The following TMEFF2 variants were observed in gnomAD, a reference collection of about 807,000 sequenced individuals.
The protein encoded by TMEFF2 is transmembrane protein with EGF like and two follistatin like domains 2.
Under a neutral mutation model 53.8 loss-of-function variants are expected in TMEFF2, and 28 were observed. That is an observed-to-expected ratio of 0.52 (90% CI 0.39 to 0.71). The LOEUF is 0.71. TMEFF2 is among the 30% of genes least tolerant of loss of function. The pLI, the probability that TMEFF2 is intolerant of heterozygous loss-of-function variation, is 0.00. For missense variants in TMEFF2, 353 were observed against 455.2 expected, an observed-to-expected ratio of 0.78 and a Z score of 2.04; for synonymous variants, 162 against 166.3, an observed-to-expected ratio of 0.97 and a Z score of 0.20.
At chr2:191,996,086 A>G (rs576352589) in intron 7 of TMEFF2, among the ~76,000 whole-genome samples, 1 of 152,130 alleles carries the variant, frequency 6.6e-6, no homozygotes, top group African/African-American at 2.4e-5. Flanking sequence ...TTAAAAAACC[A>G]AACCCATATA....
chr2:192,175,415 A>G (rs1263454313), intron 4 of TMEFF2, among the ~76,000 whole-genome samples: 2 of 151,662 alleles, frequency 1.3e-5, no homozygotes, highest in African/African-American at 2.4e-5. Flanking sequence ...GTAATGTTAT[A>G]TGAAAATAAT....
intron 4 of TMEFF2, among the ~76,000 whole-genome samples, chr2:192,104,627 G>A (rs1689104643): frequency 6.6e-6 from 1 of 151,878 alleles, no homozygotes; most frequent in Non-Finnish European, 1.5e-5. Flanking sequence ...TAATTTAACT[G>A]GATGAATTAA....
chr2:192,143,586 A>AT (rs966064161), intron 4 of TMEFF2, among the ~76,000 whole-genome samples: 12 of 152,058 alleles, frequency 7.9e-5, no homozygotes, highest in African/African-American at 2.9e-4. Flanking sequence ...GTATTTATTC[A>AT]TTTTTTTAAT....
chr2:192,132,146 C>G (rs553274999), intron 4 of TMEFF2, among the ~76,000 whole-genome samples: 40 of 152,002 alleles, frequency 2.6e-4, no homozygotes, highest in Non-Finnish European at 5.4e-4. Context: ...CCTCAGCCTC[C>G]GCTCCTCCAC....
At chr2:192,048,856 T>C (rs1243263223) in intron 5 of TMEFF2, among the ~76,000 whole-genome samples, 1 of 152,228 alleles carries the variant, frequency 6.6e-6, no homozygotes, top group Non-Finnish European at 1.5e-5. Context: ...AAGGTATGTC[T>C]CTTCTATGCA....
intron 4 of TMEFF2, among the ~76,000 whole-genome samples, chr2:192,149,853 TAAAC>T (rs935735275): frequency 1.3e-5 from 2 of 152,004 alleles, no homozygotes; most frequent in African/African-American, 4.8e-5. Context: ...TGTTTATTGT[TAAAC>T]ACACAATTCC....
At chr2:192,035,660 T>A (rs1687272730) in intron 5 of TMEFF2, among the ~76,000 whole-genome samples, 2 of 152,212 alleles carry the variant, frequency 1.3e-5, no homozygotes, top group South Asian at 4.1e-4. Flanking sequence ...GACTTCAGTG[T>A]CTATTCTCAT....
At chr2:192,034,092 G>A (rs771648239) in intron 5 of TMEFF2, among the ~76,000 whole-genome samples, 8 of 150,414 alleles carry the variant, frequency 5.3e-5, no homozygotes, top group African/African-American at 9.8e-5. Context: ...GGAGAATGGC[G>A]TGAACCCGGG....
chr2:192,081,911 C>T (rs1217790923), intron 4 of TMEFF2, among the ~76,000 whole-genome samples: 3 of 151,522 alleles, frequency 2.0e-5, no homozygotes, highest in Non-Finnish European at 2.9e-5. Context: ...TGCCATTCTC[C>T]TGCCTCAGCC....
At chr2:192,051,508 A>T (rs895909696) in intron 5 of TMEFF2, among the ~76,000 whole-genome samples, 4 of 152,214 alleles carry the variant, frequency 2.6e-5, no homozygotes, top group African/African-American at 9.6e-5. Context: ...TCAATTGTCA[A>T]CCAGGAGTGG....
In TMEFF2 at chr2:192,139,410, A is replaced by G. The variant is rs146871135; in HGVS notation, c.439+40258T>C. ...GACAGCACCATCAAGAGGTAATTGAAGCACAAAATAAGAGCAAAGATTATG... is the reference window on the plus strand; with the variant it reads ...GACAGCACCATCAAGAGGTAATTGAGGCACAAAATAAGAGCAAAGATTATG... On this transcript the variant is annotated intron_variant, in intron 4 of 9. Transcript: ENST00000272771. 5.9e-5 allele frequency among the ~76,000 whole-genome samples: 9 copies of G among 152,314 alleles called. No individual in the cohort carries two copies. In the East Asian group the frequency reaches 1.7e-3, roughly 29 times the overall value.
At chr2:192,125,661 T>C (rs1455938873) in intron 4 of TMEFF2, among the ~76,000 whole-genome samples, 2 of 152,144 alleles carry the variant, frequency 1.3e-5, no homozygotes, top group African/African-American at 4.8e-5. Context: ...GAAAATGTGG[T>C]ACATAAGCAC....
In TMEFF2 at chr2:192,053,633, T is replaced by C. The variant is rs151174043; in HGVS notation, c.536+4046A>G. ...AAAGGCAAAATAAAACAATAAGTTG[T>C]ACTCTTTGTTGCCACTTATCATATG... On this transcript the variant is annotated intron_variant, in intron 5 of 9. Coordinates refer to ENST00000272771, the MANE Select transcript of TMEFF2 (RefSeq NM_016192.4). 2.6e-3 allele frequency among the ~76,000 whole-genome samples: 391 copies of C among 152,360 alleles called. 2 individuals are homozygous for C. The highest frequency in any genetic ancestry group is 9.1e-3 in the African/African-American group (380 of 41,594).
chr2:192,119,557 T>C (rs1424728405), intron 4 of TMEFF2, among the ~76,000 whole-genome samples: 1 of 152,232 alleles, frequency 6.6e-6, no homozygotes, highest in African/African-American at 2.4e-5. Context: ...TGACTTCCAA[T>C]TGAAAGTTAA....
intron 4 of TMEFF2, among the ~76,000 whole-genome samples, chr2:192,114,415 G>T (rs2105958829): frequency 6.6e-6 from 1 of 151,620 alleles, no homozygotes; most frequent in South Asian, 2.1e-4. Flanking sequence ...TCTCTCTACT[G>T]CTATTCCATA....
chr2:192,079,264 G>T (rs1217794481), intron 4 of TMEFF2, among the ~76,000 whole-genome samples: 1 of 152,182 alleles, frequency 6.6e-6, no homozygotes, highest in Non-Finnish European at 1.5e-5. Context: ...ATCTTCACCA[G>T]ATTTACATGA....
intron 2 of TMEFF2, among the ~76,000 whole-genome samples, chr2:192,189,814 A>T (rs780261032): frequency 2.9e-4 from 44 of 152,114 alleles, no homozygotes; most frequent in South Asian, 1.0e-3. Context: ...TAATTCAGCC[A>T]CTCTATATTC....
chr2:192,051,465 T>C (rs993576343), intron 5 of TMEFF2, among the ~76,000 whole-genome samples: 1 of 152,168 alleles, frequency 6.6e-6, no homozygotes, highest in East Asian at 1.9e-4. Flanking sequence ...AATACAAAGA[T>C]TGCAGTTTCC....
intron 4 of TMEFF2, among the ~76,000 whole-genome samples, chr2:192,065,091 T>C (rs1688136135): frequency 1.3e-5 from 2 of 151,860 alleles, no homozygotes; most frequent in East Asian, 3.9e-4. Context: ...CAAGATCTCC[T>C]TTTAATTTTC....
Sources: gnomAD v4.1 joint callset for allele counts (sites outside exome capture counted in the v4.1 genomes callset) on GRCh38, gnomAD v4.1.1 for gene constraint, MANE v1.5 for transcripts, NCBI Gene and HGNC (gene_info 2026-07-23, HGNC 2026-07-21) for gene names.